The following STAT6 variants were observed in gnomAD, a reference collection of about 807,000 sequenced individuals.
STAT6 encodes signal transducer and activator of transcription 6.
In STAT6, 45 loss-of-function variants were observed where a neutral mutation model predicts 106.3. The observed-to-expected ratio is 0.42, with a 90% CI of 0.33 to 0.54. The LOEUF (loss-of-function observed/expected upper bound fraction) is 0.54, where lower values mean the gene tolerates loss of function less well. STAT6 is among the 20% of genes least tolerant of loss of function. The pLI is 0.06. For missense variants in STAT6, 797 were observed against 1,062.2 expected (o/e 0.75, Z 3.47); for synonymous variants, 413 against 413.6 (o/e 1.00, Z 0.02).
At chr12:57,101,428 G>T (rs1486689147) in intron 13 of STAT6, among the ~76,000 whole-genome samples, 1 of 147,404 alleles carries the variant, frequency 6.8e-6, no homozygotes, top group African/African-American at 2.5e-5. Flanking sequence ...GCCCAGGCTG[G>T]AGTGCAATGG....
chr12:57,105,780 G>A (rs2034235923), intron 7 of STAT6, 181 bp from the exon 8 acceptor site: 3 of 1,102,848 alleles, frequency 2.7e-6, no homozygotes, highest in Admixed American at 2.9e-5. Context: ...TAGGGTCTGG[G>A]TGGGAGGTTC....
At chr12:57,102,681 A>T in intron 12 of STAT6, 148 bp downstream of exon 12, 1 of 894,992 alleles carries the variant, frequency 1.1e-6, no homozygotes, top group Non-Finnish European at 1.7e-6. Context: ...GGGTGAAAAG[A>T]GGTCAGAAGC....
At chr12:57,109,586 A>C (rs2034472232) in intron 1 of STAT6, among the ~76,000 whole-genome samples, 1 of 152,118 alleles carries the variant, frequency 6.6e-6, no homozygotes, top group East Asian at 1.9e-4. Context: ...GAGGTGGAAA[A>C]GGAAAGTAGA....
In STAT6 at chr12:57,102,927, G is replaced by T; in HGVS notation, c.1213-6C>A. 6.6e-7 allele frequency: 1 copy of T among 1,519,920 alleles called. No homozygotes were observed. Among genetic ancestry groups the T allele is most frequent in the Non-Finnish European group, 9.0e-7 (1 of 1,112,750 alleles). 94.2% of individuals were successfully genotyped at this position (1,519,920 alleles called of 1,614,324 possible). On this transcript the variant is annotated splice_polypyrimidine_tract_variant and splice_region_variant and intron_variant, in intron 11 of 21. Transcript: ENST00000300134. ...ACCAGGGGCAGAGACAGGGCCTGAAGAGGGTGAGGACAGGGGTTTCTTTTC... is the reference window on the plus strand; with the variant it reads ...ACCAGGGGCAGAGACAGGGCCTGAATAGGGTGAGGACAGGGGTTTCTTTTC...
intron 19 of STAT6, chr12:57,097,427 G>A (rs1486361457): frequency 3.5e-6 from 1 of 287,888 alleles, no homozygotes; most frequent in Non-Finnish European, 6.4e-6. Context: ...GTTGTGTCTT[G>A]ACTAAGTTAA....
chr12:57,100,644 GAA>G (rs142263936), intron 13 of STAT6, among the ~76,000 whole-genome samples: 8,760 of 78,168 alleles, frequency 0.11, 303 homozygotes, highest in East Asian at 0.21. Flanking sequence ...GAAAGAGAAA[GAA>G]AGAAAGAAAG....
Position 57,096,451 on chromosome 12 carries a change from T to C in STAT6, c.*121A>G. The stretch of plus-strand genomic sequence containing the variant: ...TAGTCTTTTCCTCCTGACCCAGGAG[T>C]AGGTGGGGATAGGAGGGCACCCTCC... On this transcript the variant is annotated 3_prime_UTR_variant, in exon 22 of 22. Coordinates refer to ENST00000300134, the MANE Select transcript of STAT6 (RefSeq NM_003153.5). 1 of 876,386 alleles carries C rather than the reference T, an allele frequency of 1.1e-6. No individual in the cohort carries two copies. Among genetic ancestry groups the C allele is most frequent in the Non-Finnish European group, 1.8e-6 (1 of 569,042 alleles). The allele number at this position is 876,386 out of a possible 1,614,324, so 54.3% of individuals were successfully genotyped here.
In STAT6 at chr12:57,104,845, C is replaced by T. The variant is rs773328395; in HGVS notation, c.1002-32G>A. ...GGGGAGGTCAGAGTGTGAACGAGCTCATCTCACTGTCGTCAGGTGTGGCGA... is the reference window on the plus strand; with the variant it reads ...GGGGAGGTCAGAGTGTGAACGAGCTTATCTCACTGTCGTCAGGTGTGGCGA... On this transcript the variant is annotated intron_variant, in intron 9 of 21. Transcript: ENST00000300134. The T allele has an allele frequency of 1.9e-6, 3 of 1,612,346 alleles. No individual in the cohort carries two copies. The South Asian group carries it at 3.3e-5, about 18-fold the overall frequency.
At chr12:57,103,805 T>C (rs2136598323) in intron 11 of STAT6, 1 of 152,388 alleles carries the variant, frequency 6.6e-6, no homozygotes, top group South Asian at 2.1e-4. Context: ...GACCTTGTGA[T>C]CTACCCACCT....
chr12:57,097,235 T>C, intron 19 of STAT6, 102 bp from the exon 20 acceptor site: 1 of 965,220 alleles, frequency 1.0e-6, no homozygotes, highest in South Asian at 2.3e-5. Context: ...CAGCTCCTTA[T>C]CCTGACTTAG....
At position 57,104,461 on chromosome 12, in the gene STAT6, C is replaced by A; in HGVS notation, c.1212+3G>T. The A allele has an allele frequency of 6.2e-7, 1 of 1,606,124 alleles. No homozygotes were observed. Among genetic ancestry groups the A allele is most frequent in the Non-Finnish European group, 8.5e-7 (1 of 1,176,870 alleles). ...ATTGGGGCAGGGCTGGGCCACGGTT[C>A]ACCTGGAGCTGGATGGGGAGTTTGC... On this transcript the variant is annotated splice_donor_region_variant and intron_variant, in intron 11 of 21. Transcript: ENST00000300134.
chr12:57,106,378 G>A (rs1027434461), intron 6 of STAT6, 39 bp from the exon 7 acceptor site: 3 of 1,612,550 alleles, frequency 1.9e-6, no homozygotes, highest in Non-Finnish European at 2.5e-6. Context: ...GCCTCACGCT[G>A]CCTCCACACC....
Position 57,107,729 on chromosome 12 carries a change from C to A in STAT6, c.131G>T (p.Gly44Val). Residue 44 changes from glycine to valine, a missense_variant, in exon 3 of 22, where the codon GGC (glycine) becomes GTC (valine). Transcript: ENST00000300134. ...LESQPWEFLV[G>V]SDAFCCNLAS... ...CAAGTTGCAGCAGAAGGCGTCGGAG[C>A]CGACCAGGAACTCCCTGCAGGAAGA... 1 of 1,614,120 alleles carries A rather than the reference C, an allele frequency of 6.2e-7. No homozygotes were observed. Among genetic ancestry groups the A allele is most frequent in the Non-Finnish European group, 8.5e-7 (1 of 1,180,036 alleles).
intron 19 of STAT6, among the ~76,000 whole-genome samples, chr12:57,097,560 AAAT>A (rs1207360603): frequency 3.3e-5 from 5 of 152,244 alleles, no homozygotes; most frequent in Admixed American, 6.5e-5. Flanking sequence ...GCAGGACAGA[AAAT>A]AATAATAACA....
chr12:57,104,658 A>G lies in STAT6; in HGVS notation c.1089+68T>C, dbSNP rs2034160661. The G allele has an allele frequency of 4.3e-6, 7 of 1,612,822 alleles. No individual in the cohort carries two copies. The South Asian group carries it at 6.6e-5, about 15-fold the overall frequency. On this transcript the variant is annotated intron_variant, in intron 10 of 21. Coordinates refer to ENST00000300134, the MANE Select transcript of STAT6 (RefSeq NM_003153.5). ...GACCGCTCCTCCTGGGCTTCCTGACATCCTCTCCAAGGAGAGTCCCACAGT... is the reference window on the plus strand; with the variant it reads ...GACCGCTCCTCCTGGGCTTCCTGACGTCCTCTCCAAGGAGAGTCCCACAGT...
chr12:57,107,777 C>T (rs1267223011), intron 2 of STAT6, 34 bp from the exon 3 acceptor site: 1 of 1,612,670 alleles, frequency 6.2e-7, no homozygotes, highest in Non-Finnish European at 8.5e-7. Flanking sequence ...TACCTCAGGC[C>T]AGGGCTTCCT....
Position 57,099,108 on chromosome 12 carries a change from A to C in STAT6, c.1892-30T>G, listed in dbSNP as rs377612198. On this transcript the variant is annotated intron_variant, in intron 16 of 21. Transcript: ENST00000300134. The surrounding 1 kb of genome is among the most constrained non-coding windows in gnomAD (Gnocchi z 4.7). ...TGTGAGAAGGAAAAGACAGCCATGG[A>C]GTGCTCTGGGGTTAGGGAGGAAGGG... The C allele has an allele frequency of 3.7e-6, 6 of 1,613,706 alleles. No homozygotes were observed. The South Asian group carries it at 6.6e-5, about 18-fold the overall frequency.
At chr12:57,108,372 C>G (rs1459576246) in intron 1 of STAT6, 73 bp from the exon 2 acceptor site, 3 of 785,846 alleles carry the variant, frequency 3.8e-6, no homozygotes, top group Non-Finnish European at 6.5e-6. Flanking sequence ...CAGCCAGGGA[C>G]CTCCCATAGA....
intron 11 of STAT6, 43 bp from the exon 12 acceptor site, chr12:57,102,964 CCT>C (rs1565687869): frequency 1.1e-5 from 3 of 279,916 alleles, no homozygotes; most frequent in Non-Finnish European, 1.7e-5. Context: ...TTCTTTCTTT[CCT>C]TTTTTTTTTT....
Sources: gnomAD v4.1 joint callset for allele counts (sites outside exome capture counted in the v4.1 genomes callset) on GRCh38, gnomAD v4.1.1 for gene constraint, Gnocchi (gnomAD v3.1) non-coding constraint, MANE v1.5 for transcripts, NCBI Gene and HGNC (gene_info 2026-07-23, HGNC 2026-07-21) for gene names.